Variants in SGCZ observed in about 807,000 individuals in gnomAD.
SGCZ encodes the protein sarcoglycan zeta.
SGCZ carries 40 observed loss-of-function variants against 41.3 expected under a neutral mutation model. That is an observed-to-expected ratio of 0.97 (90% confidence interval 0.75 to 1.26). SGCZ has a LOEUF of 1.26. Among genes scored for constraint, SGCZ ranks in the 50% most tolerant of loss-of-function variants. The pLI, the probability that SGCZ is intolerant of heterozygous loss-of-function variation, is 0.00. For synonymous variants in SGCZ, 206 were observed against 137.5 expected (o/e 1.50, Z -3.49); for missense variants, 552 against 369.8 (o/e 1.49, Z -4.04).
chr8:14,477,677 A>ACATAAAT (rs777153040), intron 2 of SGCZ, among the ~76,000 whole-genome samples: 15 of 152,326 alleles, frequency 9.8e-5, no homozygotes, highest in Non-Finnish European at 1.5e-4. Context: ...AACTTTCTAA[A>ACATAAAT]CATAAATTTT....
At chr8:14,232,706 C>G (rs940456037) in intron 4 of SGCZ, among the ~76,000 whole-genome samples, 1 of 151,964 alleles carries the variant, frequency 6.6e-6, no homozygotes, top group African/African-American at 2.4e-5. Flanking sequence ...CACCCATTAA[C>G]TCGTCATTTA....
chr8:14,705,383 C>T (rs1304750173), intron 1 of SGCZ, among the ~76,000 whole-genome samples: 2 of 151,530 alleles, frequency 1.3e-5, no homozygotes, highest in South Asian at 2.1e-4. Context: ...ATCTATGTGA[C>T]TATGTGACTA....
chr8:14,174,457 T>C (rs1804482479), intron 4 of SGCZ, among the ~76,000 whole-genome samples: 1 of 152,076 alleles, frequency 6.6e-6, no homozygotes, highest in African/African-American at 2.4e-5. Context: ...TTTACTGGTA[T>C]TCCTGACAGA....
chr8:15,110,443 A>T (rs1288417333), intron 1 of SGCZ, among the ~76,000 whole-genome samples: 1 of 152,232 alleles, frequency 6.6e-6, no homozygotes, highest in African/African-American at 2.4e-5. Context: ...GAGATTCATT[A>T]CTTAAATTAC....
chr8:15,045,843 G>C (rs894081774), intron 1 of SGCZ, among the ~76,000 whole-genome samples: 60 of 152,058 alleles, frequency 3.9e-4, no homozygotes, highest in Non-Finnish European at 4.4e-4. Context: ...ACTCTCACTG[G>C]CTAAGGGGAA....
At chr8:15,028,954 A>T (rs888799720) in intron 1 of SGCZ, among the ~76,000 whole-genome samples, 4 of 152,082 alleles carry the variant, frequency 2.6e-5, no homozygotes, top group Non-Finnish European at 5.9e-5. Context: ...ATGAATATAA[A>T]TGTGCAAACA....
intron 1 of SGCZ, among the ~76,000 whole-genome samples, chr8:15,206,630 G>C (rs1448900957): frequency 6.6e-6 from 1 of 151,964 alleles, no homozygotes; most frequent in Admixed American, 6.6e-5. Context: ...TCTCTTTTCA[G>C]TAGAGACGGT....
At chr8:14,785,565 A>G (rs1476513684) in intron 1 of SGCZ, among the ~76,000 whole-genome samples, 1 of 152,174 alleles carries the variant, frequency 6.6e-6, no homozygotes, top group East Asian at 1.9e-4. Flanking sequence ...CGCAGGTAAT[A>G]CTAAGGTGGT....
intron 3 of SGCZ, among the ~76,000 whole-genome samples, chr8:14,295,116 A>G (rs1240867904): frequency 6.6e-6 from 1 of 152,212 alleles, no homozygotes; most frequent in Non-Finnish European, 1.5e-5. Context: ...ACTTATGTCC[A>G]TACAAAAGCT....
At chr8:15,212,397 A>C (rs117213660) in intron 1 of SGCZ, among the ~76,000 whole-genome samples, 1,992 of 152,224 alleles carry the variant, frequency 0.013, 31 homozygotes, top group Non-Finnish European at 0.02. Flanking sequence ...CATTTTTTAA[A>C]AAATCCTAGG....
At chr8:14,464,532 G>C (rs754756924) in intron 2 of SGCZ, among the ~76,000 whole-genome samples, 29 of 141,640 alleles carry the variant, frequency 2.0e-4, no homozygotes, top group Non-Finnish European at 3.4e-4. Context: ...CAGTTGTGTT[G>C]ATCTTTTCAA....
intron 1 of SGCZ, among the ~76,000 whole-genome samples, chr8:14,591,222 A>T (rs1805229546): frequency 6.6e-6 from 1 of 151,882 alleles, no homozygotes; most frequent in South Asian, 2.1e-4. Context: ...TATAAATTTG[A>T]TCCTTCTTTT....
At chr8:14,606,263 T>C (rs1276038976) in intron 1 of SGCZ, among the ~76,000 whole-genome samples, 2 of 152,170 alleles carry the variant, frequency 1.3e-5, no homozygotes, top group Admixed American at 1.3e-4. Context: ...TACATGTATA[T>C]ATGATTATGC....
At chr8:14,610,474 A>G (rs1257414086) in intron 1 of SGCZ, among the ~76,000 whole-genome samples, 1 of 152,146 alleles carries the variant, frequency 6.6e-6, no homozygotes, top group Non-Finnish European at 1.5e-5. Context: ...ACTCAAAAGC[A>G]TGTAGATTCT....
At chr8:14,583,213 A>G (rs1399284690) in intron 1 of SGCZ, among the ~76,000 whole-genome samples, 2 of 150,860 alleles carry the variant, frequency 1.3e-5, no homozygotes, top group Non-Finnish European at 3.0e-5. Flanking sequence ...AACTGGTGTG[A>G]GATGGTATCT....
chr8:14,395,232 AT>A, intron 2 of SGCZ, among the ~76,000 whole-genome samples: 1 of 152,292 alleles, frequency 6.6e-6, no homozygotes, highest in Non-Finnish European at 1.5e-5. Context: ...AAAAATCTCT[AT>A]ATTAAACATA....
chr8:14,259,502 G>A, intron 3 of SGCZ, among the ~76,000 whole-genome samples: 1 of 146,820 alleles, frequency 6.8e-6, no homozygotes, highest in Non-Finnish European at 1.5e-5. Context: ...GTGTAAGGAA[G>A]GGATCCAGTT....
intron 2 of SGCZ, among the ~76,000 whole-genome samples, chr8:14,481,880 T>C (rs1299248573): frequency 6.6e-6 from 1 of 152,102 alleles, no homozygotes; most frequent in Non-Finnish European, 1.5e-5. Context: ...CATTGGACAA[T>C]TGGCTCCTAA....
intron 2 of SGCZ, among the ~76,000 whole-genome samples, chr8:14,347,567 CTTT>C (rs943991083): frequency 6.6e-6 from 1 of 150,978 alleles, no homozygotes; most frequent in South Asian, 2.1e-4. Context: ...TTTTCTCCCA[CTTT>C]TTTTTCTACT....
Sources: allele counts gnomAD v4.1 joint callset (sites outside exome capture counted in the v4.1 genomes callset), GRCh38; gene constraint gnomAD v4.1.1; transcripts MANE v1.5; gene names NCBI Gene and HGNC (gene_info 2026-07-23, HGNC 2026-07-21).